The following EPS15L1 variants were observed in gnomAD, a reference collection of about 807,000 sequenced individuals.
The protein encoded by EPS15L1 is epidermal growth factor receptor substrate 15-like 1.
EPS15L1 carries 43 observed loss-of-function variants against 117.1 expected under a neutral mutation model. The ratio of observed to expected loss-of-function variants is 0.37; its 90% confidence interval spans 0.29 to 0.47. The LOEUF (loss-of-function observed/expected upper bound fraction) is 0.47. EPS15L1 is among the 20% of genes least tolerant of loss of function. The probability of loss-of-function intolerance (pLI) is 0.99; values close to 1 mark genes in which losing one functional copy is unlikely to be tolerated. For missense variants in EPS15L1, 981 were observed against 1,164.0 expected, an observed-to-expected ratio of 0.84 and a Z score of 2.29; for synonymous variants, 459 against 470.5, an observed-to-expected ratio of 0.98 and a Z score of 0.32.
rs546782012 is a variant in EPS15L1, at chr19:16,459,285, T to C, written c.33+12628A>G. Among the ~76,000 whole-genome samples, 8 of 152,294 alleles carry C rather than the reference T, an allele frequency of 5.3e-5. 1 individual carries two copies. The South Asian group carries it at 1.7e-3, about 32-fold the overall frequency. On this transcript the variant is annotated intron_variant, in intron 1 of 23. Coordinates refer to ENST00000455140, the MANE Select transcript of EPS15L1 (RefSeq NM_001258374.3). ...TCCCCCAAATGAAATAAGTCCCTCCTGCCTCCACACTCCCATAGCCCCAAA... is the reference window on the plus strand; with the variant it reads ...TCCCCCAAATGAAATAAGTCCCTCCCGCCTCCACACTCCCATAGCCCCAAA...
chr19:16,440,440 T>TA (rs1318726353), intron 4 of EPS15L1, among the ~76,000 whole-genome samples: 1 of 151,898 alleles, frequency 6.6e-6, no homozygotes, highest in Non-Finnish European at 1.5e-5. Context: ...GTCAAAAAAA[T>TA]AAAAAATAAC....
chr19:16,423,116 A>G (rs546927983), intron 9 of EPS15L1, among the ~76,000 whole-genome samples: 5 of 152,282 alleles, frequency 3.3e-5, no homozygotes, highest in African/African-American at 1.2e-4. Context: ...GTGATGTCCA[A>G]ATCTAACAGG....
chr19:16,407,206 A>G (rs1204411888), intron 13 of EPS15L1, among the ~76,000 whole-genome samples: 1 of 152,178 alleles, frequency 6.6e-6, no homozygotes, highest in East Asian at 1.9e-4. Flanking sequence ...AGGGTACCTC[A>G]CCACTTCTCT....
At chr19:16,400,666 A>G in intron 16 of EPS15L1, 3 of 985,462 alleles carry the variant, frequency 3.0e-6, no homozygotes, top group Non-Finnish European at 3.6e-6. Context: ...AACAGGATAA[A>G]AACAGTTTTT....
intron 1 of EPS15L1, among the ~76,000 whole-genome samples, chr19:16,457,821 A>AGCGGTCTCCCTGGAGAGACATGG: frequency 6.6e-6 from 1 of 151,800 alleles, no homozygotes; most frequent in Admixed American, 6.6e-5. Context: ...CTGACCCATG[A>AGCGGTCTCCCTGGAGAGACATGG]GCGGTCTCCC....
chr19:16,379,742 G>A (rs937510111), intron 21 of EPS15L1, among the ~76,000 whole-genome samples: 9 of 151,998 alleles, frequency 5.9e-5, no homozygotes, highest in Non-Finnish European at 8.8e-5. Flanking sequence ...TCACACAGAC[G>A]TGGCCGTCTA....
At chr19:16,428,337 G>A (rs2092893924) in intron 8 of EPS15L1, among the ~76,000 whole-genome samples, 1 of 150,982 alleles carries the variant, frequency 6.6e-6, no homozygotes, top group South Asian at 2.1e-4. Flanking sequence ...TCGGGCCACT[G>A]AATGCCAGCC....
chr19:16,450,099 T>A (rs369431809), intron 1 of EPS15L1, among the ~76,000 whole-genome samples: 22,642 of 147,300 alleles, frequency 0.15, 1,801 homozygotes, highest in Non-Finnish European at 0.18. Flanking sequence ...AAAAAAAAAA[T>A]AGCCACGCAT....
intron 1 of EPS15L1, among the ~76,000 whole-genome samples, chr19:16,464,458 C>T (rs1223640210): frequency 6.6e-6 from 1 of 152,192 alleles, no homozygotes; most frequent in Non-Finnish European, 1.5e-5. Context: ...TCAGTTCGGC[C>T]GATTTGTAGC....
chr19:16,377,331 C>T (rs2092309356), intron 21 of EPS15L1, 77 bp from the exon 22 acceptor site: 2 of 1,559,030 alleles, frequency 1.3e-6, no homozygotes, highest in Non-Finnish European at 1.7e-6. Flanking sequence ...AACAGACGCT[C>T]ATGCTCCAAG....
At chr19:16,414,862 A>G (rs1485511719) in intron 12 of EPS15L1, among the ~76,000 whole-genome samples, 6 of 151,452 alleles carry the variant, frequency 4.0e-5, no homozygotes, top group Non-Finnish European at 4.4e-5. Context: ...GGTGTGCCCC[A>G]CCAGGCCTGG....
chr19:16,442,090 AG>A, intron 2 of EPS15L1, 87 bp downstream of exon 2: 1 of 1,487,410 alleles, frequency 6.7e-7, no homozygotes, highest in Non-Finnish European at 9.4e-7. Flanking sequence ...AAAGGACAAA[AG>A]GCCGCTCAGC....
Position 16,371,762 on chromosome 19 carries a change from TA to T in EPS15L1, c.2380+5359del, listed in dbSNP as rs112490789. On this transcript the variant is annotated intron_variant, in intron 22 of 23. Transcript: ENST00000455140. This position sits in a 1 kb window ranked among gnomAD's most constrained non-coding sequence, Gnocchi z 4.7. ...CACCCACACAGCCGTTTCCTGCACTTAAAAAAAAAATCTGTTTCTCTCTTTG... is the reference window on the plus strand; with the variant it reads ...CACCCACACAGCCGTTTCCTGCACTTAAAAAAAAATCTGTTTCTCTCTTTG... Among the ~76,000 whole-genome samples, 7 of 150,564 alleles carry T rather than the reference TA, an allele frequency of 4.6e-5. No homozygotes were observed. The highest frequency in any genetic ancestry group is 4.9e-5 in the African/African-American group (2 of 41,010).
In EPS15L1 at chr19:16,436,933, T is replaced by G; in HGVS notation, c.372+4A>C. 6.2e-7 allele frequency: 1 copy of G among 1,612,236 alleles called. No homozygotes were observed. Among genetic ancestry groups the G allele is most frequent in the Non-Finnish European group, 8.5e-7 (1 of 1,178,384 alleles). On this transcript the variant is annotated splice_donor_region_variant and intron_variant, in intron 6 of 23. Coordinates refer to ENST00000455140, the MANE Select transcript of EPS15L1 (RefSeq NM_001258374.3). ...CAAGGAGGGAGCTATTCCCGTTCACTTACCCTCACAGCCCAGTGGGCCTCT... is the reference window on the plus strand; with the variant it reads ...CAAGGAGGGAGCTATTCCCGTTCACGTACCCTCACAGCCCAGTGGGCCTCT...
chr19:16,407,118 G>A (rs2092664351), intron 13 of EPS15L1, among the ~76,000 whole-genome samples: 1 of 152,180 alleles, frequency 6.6e-6, no homozygotes, highest in South Asian at 2.1e-4. Context: ...GCCTCCCAGT[G>A]CATGGTGTGC....
chr19:16,403,195 G>C (rs554741750), intron 15 of EPS15L1, among the ~76,000 whole-genome samples: 1 of 152,316 alleles, frequency 6.6e-6, no homozygotes, highest in East Asian at 1.9e-4. Flanking sequence ...AGGAGAGCAG[G>C]GAAGGGCAAC....
rs185744328 is a variant in EPS15L1 at position 16,371,011 on chromosome 19, T to C, written c.2380+6111A>G. On this transcript the variant is annotated intron_variant, in intron 22 of 23. Transcript: ENST00000455140. The surrounding 1 kb of genome is among the most constrained non-coding windows in gnomAD (Gnocchi z 4.7). ...ACTTGTCCCATTGTAGAATTTCACATGTACCCACCGGATTATCTCTCTGAG... is the reference window on the plus strand; with the variant it reads ...ACTTGTCCCATTGTAGAATTTCACACGTACCCACCGGATTATCTCTCTGAG... 2.6e-5 allele frequency among the ~76,000 whole-genome samples: 4 copies of C among 152,360 alleles called. No homozygotes were observed. The highest frequency in any genetic ancestry group is 9.6e-5 in the African/African-American group (4 of 41,590).
intron 22 of EPS15L1, among the ~76,000 whole-genome samples, chr19:16,374,089 G>A (rs1023378486): frequency 3.2e-4 from 48 of 152,338 alleles, no homozygotes; most frequent in Middle Eastern, 3.4e-3. Context: ...CTTGGTTCTC[G>A]TTACTCCTGT....
chr19:16,412,963 A>T, intron 13 of EPS15L1: 1 of 669,750 alleles, frequency 1.5e-6, no homozygotes, highest in Non-Finnish European at 2.8e-6. Flanking sequence ...CCCATCAAGG[A>T]ATCTGAGATC....
Sources: allele counts gnomAD v4.1 joint callset (sites outside exome capture counted in the v4.1 genomes callset), GRCh38; gene constraint gnomAD v4.1.1; non-coding constraint Gnocchi (gnomAD v3.1); transcripts MANE v1.5; gene names NCBI Gene and HGNC (gene_info 2026-07-23, HGNC 2026-07-21).